Variants in SIRT2 observed in about 807,000 individuals in gnomAD.
SIRT2 encodes sirtuin 2.
A neutral mutation model predicts 57.4 loss-of-function variants in SIRT2; 40 were observed. The ratio of observed to expected loss-of-function variants is 0.70; its 90% CI spans 0.54 to 0.91. SIRT2 has a LOEUF of 0.91. SIRT2 is among the 40% of genes least tolerant of loss of function. The pLI is 0.00. For synonymous variants in SIRT2, 161 were observed against 195.7 expected (o/e 0.82, Z 1.48); for missense variants, 439 against 510.4 (o/e 0.86, Z 1.35).
intron 1 of SIRT2, 134 bp downstream of exon 1, chr19:38,899,372 C>G: frequency 1.0e-6 from 1 of 978,876 alleles, no homozygotes; most frequent in South Asian, 1.5e-5. Flanking sequence ...CGCTAAGCAA[C>G]AGCCCTCAGA....
At chr19:38,891,319 G>A (rs1044849595) in intron 4 of SIRT2, among the ~76,000 whole-genome samples, 1 of 152,038 alleles carries the variant, frequency 6.6e-6, no homozygotes, top group Non-Finnish European at 1.5e-5. Context: ...GAGGCCGAGG[G>A]GGGCAGATCA....
intron 7 of SIRT2, 75 bp downstream of exon 7, chr19:38,889,614 G>C: frequency 6.5e-7 from 1 of 1,529,592 alleles, no homozygotes. Context: ...TTGTCTGCAG[G>C]GCCTTGGCGG....
At chr19:38,889,245 C>G (rs1973442120) in intron 7 of SIRT2, 90 bp from the exon 8 acceptor site, 1 of 1,223,324 alleles carries the variant, frequency 8.2e-7, no homozygotes, top group Admixed American at 1.7e-5. Context: ...GGCACTGTGA[C>G]TGTTTTACCC....
chr19:38,879,777 G>A, intron 13 of SIRT2, 75 bp from the exon 14 acceptor site: 1 of 1,116,094 alleles, frequency 9.0e-7, no homozygotes, highest in Middle Eastern at 2.0e-4. Context: ...GAGCCAGGTG[G>A]CCTGGGTTTG....
In SIRT2 at chr19:38,879,220, G is replaced by A. The variant is rs758700236; in HGVS notation, c.1105C>T (p.Pro369Ser). ...TTGGCAGGTGGCGGGGACTTCTTGG[G>A]GGAAGCTGAAGTGCTGGGGTTGGGG... is the stretch of plus-strand genomic sequence containing the variant. Reference protein sequence around the residue: ...GVPNPSTSASPKKSPPPAKDE... With the variant: ...GVPNPSTSASSKKSPPPAKDE... The change falls in exon 16 of 16, where the codon CCC (proline) becomes TCC (serine). Residue 369 changes from proline to serine, a missense_variant. Pro to Ser is a moderately conservative substitution (Grantham distance 74). Transcript: ENST00000249396. 7 of 1,594,228 alleles carry A rather than the reference G, an allele frequency of 4.4e-6. 1 individual carries two copies. The South Asian group carries it at 7.9e-5, about 18-fold the overall frequency.
At chr19:38,883,519 C>T in intron 9 of SIRT2, 108 bp downstream of exon 9, 6 of 1,436,788 alleles carry the variant, frequency 4.2e-6, no homozygotes, top group Non-Finnish European at 5.7e-6. Flanking sequence ...ACAAACAAAA[C>T]AAAAAAACCC....
chr19:38,883,143 C>T lies in SIRT2; in HGVS notation c.631+484G>A, dbSNP rs569053141. ...TTGCCCAAGCTGGAGTGCAATGGTG[C>T]GAACTCAGCTCACTGCAGCCTCCGC... On this transcript the variant is annotated intron_variant, in intron 9 of 15. Coordinates refer to ENST00000249396, the MANE Select transcript of SIRT2 (RefSeq NM_012237.4). 4.3e-5 allele frequency among the ~76,000 whole-genome samples: 6 copies of T among 139,796 alleles called. No homozygotes were observed. The South Asian group carries it at 8.8e-4, about 21-fold the overall frequency. The allele number at this position is 139,796 out of a possible 152,430, so 91.7% of individuals were successfully genotyped here. A position where few individuals can be genotyped will look rare whatever the true frequency, so the allele number is the denominator to read the frequency against.
intron 2 of SIRT2, chr19:38,894,119 C>G: frequency 1.6e-6 from 1 of 630,998 alleles, no homozygotes; most frequent in Non-Finnish European, 2.6e-6. Flanking sequence ...TTTTTTGAGA[C>G]AGTGTCTCGC....
chr19:38,892,262 G>A (rs1973563372), intron 4 of SIRT2, among the ~76,000 whole-genome samples: 1 of 152,004 alleles, frequency 6.6e-6, no homozygotes, highest in African/African-American at 2.4e-5. Flanking sequence ...CAGTCGTGGT[G>A]GTGTGCGTCT....
intron 2 of SIRT2, 85 bp downstream of exon 2, chr19:38,898,292 ACT>A: frequency 9.8e-7 from 1 of 1,016,938 alleles, no homozygotes; most frequent in East Asian, 3.0e-5. Flanking sequence ...CCCTGGGGTG[ACT>A]GTTTCCCCTT....
chr19:38,884,130 G>C (rs10419843), intron 8 of SIRT2, among the ~76,000 whole-genome samples: 1 of 146,572 alleles, frequency 6.8e-6, no homozygotes, highest in Non-Finnish European at 1.5e-5. Flanking sequence ...AAAAAAAAAA[G>C]GGGCCCAAAC....
At position 38,883,666 on chromosome 19, in the gene SIRT2, C is replaced by G; in HGVS notation, c.592G>C (p.Ala198Pro). The change falls in exon 9 of 16, where the codon GCC becomes CCC. Residue 198 changes from alanine (A) to proline (P), a missense_variant. Transcript: ENST00000249396. ...AGCGGGTATTCGTGCCGGCAGCTGG[C>G]GCTGACGCAGTGTGATGTGTAGAAG... ...GTFYTSHCVS[A>P]SCRHEYPLSW... The G allele has an allele frequency of 2.5e-6, 4 of 1,614,114 alleles. No homozygotes were observed. Among genetic ancestry groups the G allele is most frequent in the Non-Finnish European group, 3.4e-6 (4 of 1,179,970 alleles).
intron 8 of SIRT2, among the ~76,000 whole-genome samples, chr19:38,885,964 C>T (rs542394919): frequency 1.5e-4 from 23 of 152,060 alleles, no homozygotes; most frequent in South Asian, 2.1e-4. Context: ...GACATTTGTG[C>T]GCGCTCATTT....
intron 8 of SIRT2, among the ~76,000 whole-genome samples, chr19:38,886,465 T>C (rs1187558167): frequency 6.6e-6 from 1 of 151,958 alleles, no homozygotes; most frequent in Non-Finnish European, 1.5e-5. Context: ...TTTTTTTTTT[T>C]TTCTTTTGAC....
In SIRT2 at chr19:38,883,685, G is replaced by A; in HGVS notation, c.573C>T (p.Tyr191=). ...EDLVEAHGTF[Y]TSHCVSASCR... ...AGCTGGCGCTGACGCAGTGTGATGT[G>A]TAGAAGGTGCCGTGCGCCTCCACCA... The change falls in exon 9 of 16, where the codon TAC becomes TAT. Residue 191 remains tyrosine (Y), a synonymous_variant. Coordinates refer to ENST00000249396, the MANE Select transcript of SIRT2 (RefSeq NM_012237.4). 2 of 1,614,176 alleles carry A rather than the reference G, an allele frequency of 1.2e-6. No homozygotes were observed. The highest frequency in any genetic ancestry group is 1.7e-6 in the Non-Finnish European group (2 of 1,180,014).
chr19:38,879,417 G>T lies in SIRT2; in HGVS notation c.1014+17C>A. 1 of 1,589,010 alleles carries T rather than the reference G, an allele frequency of 6.3e-7. No homozygotes were observed. The highest frequency in any genetic ancestry group is 8.6e-7 in the Non-Finnish European group (1 of 1,167,516). ...GGGATGGGGCTCAGGACAGGCTGGGGTTGCTCAGCTCCTCACCTTCCATCC... is the reference window on the plus strand; with the variant it reads ...GGGATGGGGCTCAGGACAGGCTGGGTTTGCTCAGCTCCTCACCTTCCATCC... On this transcript the variant is annotated intron_variant, in intron 15 of 15. Transcript: ENST00000249396.
In SIRT2 at chr19:38,889,131, G is replaced by A. The variant is rs1471694390; in HGVS notation, c.457C>T (p.Arg153Cys). The stretch of plus-strand genomic sequence containing the variant: ...AGTAGCCCCTTGTCCTTCAGCAGGC[G>A]CATGAAGTAGTGACAGATGGTTGGC... ...FKPTICHYFM[R>C]LLKDKGLLLR... is the part of the protein sequence containing the mutation. Residue 153 changes from arginine to cysteine, a missense_variant, in exon 8 of 16, where the codon CGC (arginine) becomes TGC (cysteine). Physicochemically the swap from Arg to Cys is radical, Grantham distance 180. Coordinates refer to ENST00000249396, the MANE Select transcript of SIRT2 (RefSeq NM_012237.4). The A allele has an allele frequency of 3.6e-5, 58 of 1,613,004 alleles. No homozygotes were observed. Among genetic ancestry groups the A allele is most frequent in the Non-Finnish European group, 4.9e-5 (58 of 1,179,998 alleles).
In SIRT2 at chr19:38,880,264, G is replaced by T; in HGVS notation, c.876+421C>A. On this transcript the variant is annotated intron_variant, in intron 13 of 15. Transcript: ENST00000249396. This position sits in a 1 kb window ranked among gnomAD's most constrained non-coding sequence, Gnocchi z 4.1. The stretch of plus-strand genomic sequence containing the variant: ...AGACTTGGGACAGTGTCTGCCCACA[G>T]CGTGCGCTGCTTGCCCGGTGACCCT... 1 of 200,716 alleles carries T rather than the reference G, an allele frequency of 5.0e-6. No homozygotes were observed. 12.4% of individuals were successfully genotyped at this position (200,716 alleles called of 1,614,324 possible).
chr19:38,886,644 T>G (rs1021373620), intron 8 of SIRT2, among the ~76,000 whole-genome samples: 1 of 146,614 alleles, frequency 6.8e-6, no homozygotes, highest in African/African-American at 2.5e-5. Context: ...TTTTTTGAGA[T>G]GGAGTCTTGC....
Sources: gnomAD v4.1 joint callset for allele counts (sites outside exome capture counted in the v4.1 genomes callset) on GRCh38, gnomAD v4.1.1 for gene constraint, Gnocchi (gnomAD v3.1) non-coding constraint, MANE v1.5 for transcripts, NCBI Gene and HGNC (gene_info 2026-07-23, HGNC 2026-07-21) for gene names.